The following CADPS variants were observed in gnomAD, a reference collection of about 807,000 sequenced individuals.
CADPS encodes the protein calcium-dependent secretion activator 1.
Under a neutral mutation model 167.3 loss-of-function variants are expected in CADPS, and 57 were observed. The ratio of observed to expected loss-of-function variants is 0.34; its 90% CI spans 0.28 to 0.42. The LOEUF (loss-of-function observed/expected upper bound fraction) is 0.42, where lower values mean the gene tolerates loss of function less well. Ranked by LOEUF, CADPS falls within the 20% of genes least tolerant of loss-of-function variation. The pLI is 1.00. For missense variants in CADPS, 1,414 were observed against 1,738.1 expected (o/e 0.81, Z 3.32); for synonymous variants, 676 against 635.3 (o/e 1.06, Z -0.96).
In CADPS at chr3:62,668,292, A is replaced by G. The variant is rs1362484187; in HGVS notation, c.889-5898T>C. The stretch of plus-strand genomic sequence containing the variant: ...CAGGACTAAAGTGATAGTGATCCAG[A>G]CTGGCTGGAAGGAGTTTCAGGGATA... On this transcript the variant is annotated intron_variant, in intron 3 of 29. Coordinates refer to ENST00000383710, the MANE Select transcript of CADPS (RefSeq NM_003716.4). Among the ~76,000 whole-genome samples, 58 of 152,194 alleles carry G rather than the reference A, an allele frequency of 3.8e-4. 1 individual carries two copies. The highest frequency in any genetic ancestry group is 3.8e-3 in the Admixed American group (58 of 15,280).
intron 11 of CADPS, among the ~76,000 whole-genome samples, chr3:62,549,447 G>GTTTTTTT (rs3074235): frequency 7.7e-6 from 1 of 129,288 alleles, no homozygotes; most frequent in African/African-American, 3.1e-5. Context: ...CATGTTTTGT[G>GTTTTTTT]TTTTTTTTTT....
At chr3:62,435,059 C>T (rs2054715866) in intron 28 of CADPS, among the ~76,000 whole-genome samples, 1 of 152,102 alleles carries the variant, frequency 6.6e-6, no homozygotes, top group Non-Finnish European at 1.5e-5. Context: ...ATATTTTTTT[C>T]TTCATTCAAA....
chr3:62,633,204 T>A (rs1338623824), intron 6 of CADPS, among the ~76,000 whole-genome samples: 1 of 152,162 alleles, frequency 6.6e-6, no homozygotes, highest in Non-Finnish European at 1.5e-5. Flanking sequence ...TTGGGCTCTA[T>A]GTCCCAATGT....
chr3:62,802,596 T>C (rs1049568122), intron 1 of CADPS, among the ~76,000 whole-genome samples: 1 of 152,156 alleles, frequency 6.6e-6, no homozygotes, highest in Non-Finnish European at 1.5e-5. Context: ...TGAGGGTCGA[T>C]TTAGAGACCC....
At chr3:62,692,470 T>C (rs2079344230) in intron 3 of CADPS, among the ~76,000 whole-genome samples, 1 of 152,102 alleles carries the variant, frequency 6.6e-6, no homozygotes, top group Non-Finnish European at 1.5e-5. Flanking sequence ...AACTACCATT[T>C]GAAGACATTT....
At chr3:62,794,355 A>G (rs913483111) in intron 1 of CADPS, among the ~76,000 whole-genome samples, 7 of 152,308 alleles carry the variant, frequency 4.6e-5, no homozygotes, top group Non-Finnish European at 1.0e-4. Flanking sequence ...CACTTTTTGT[A>G]TATTCCCTAG....
chr3:62,644,911 C>T (rs1347634777), intron 6 of CADPS, among the ~76,000 whole-genome samples: 2 of 152,194 alleles, frequency 1.3e-5, no homozygotes, highest in Non-Finnish European at 2.9e-5. Context: ...TGTGCCATTA[C>T]TTTCTGATGT....
chr3:62,560,871 G>C (rs747693954), intron 9 of CADPS, among the ~76,000 whole-genome samples: 1 of 152,090 alleles, frequency 6.6e-6, no homozygotes, highest in African/African-American at 2.4e-5. Context: ...ATGAGGTCAG[G>C]AGTTTGAGAC....
Position 62,420,861 on chromosome 3 carries a change from A to AACACACACACAC in CADPS, c.3777+17231_3777+17242dup, listed in dbSNP as rs775850925. On this transcript the variant is annotated intron_variant, in intron 28 of 29. Transcript: ENST00000383710. This position sits in a 1 kb window ranked among gnomAD's most constrained non-coding sequence, Gnocchi z 4.1. ...TTTTCTCTTTATGGGAGGGAGAACG[A>AACACACACACAC]ACACACACACACACACACACACACA... 2.2e-5 allele frequency among the ~76,000 whole-genome samples: 3 copies of AACACACACACAC among 133,944 alleles called. No individual in the cohort carries two copies. Among genetic ancestry groups the AACACACACACAC allele is most frequent in the East Asian group, 2.2e-4 (1 of 4,634 alleles). The allele number at this position is 133,944 out of a possible 152,430, so 87.9% of individuals were successfully genotyped here. A position where few individuals can be genotyped will look rare whatever the true frequency, so the allele number is the denominator to read the frequency against.
chr3:62,525,145 C>T (rs530780821), intron 13 of CADPS, among the ~76,000 whole-genome samples: 41 of 151,994 alleles, frequency 2.7e-4, no homozygotes, highest in African/African-American at 9.9e-4. Flanking sequence ...TGATGGTTTG[C>T]TATGGGCCAG....
At chr3:62,467,193 T>G in intron 24 of CADPS, 1 of 416,500 alleles carries the variant, frequency 2.4e-6, no homozygotes, top group Non-Finnish European at 3.6e-6. Context: ...GCCAGCTCCT[T>G]GACATTTATT....
intron 21 of CADPS, among the ~76,000 whole-genome samples, chr3:62,486,633 G>C (rs1369437071): frequency 6.6e-6 from 1 of 152,192 alleles, no homozygotes; most frequent in East Asian, 1.9e-4. Flanking sequence ...GCTGATGCAG[G>C]GCAAGAGAGC....
At position 62,499,199 on chromosome 3, in the gene CADPS, A is replaced by G. The variant is rs2065298125; in HGVS notation, c.2669T>C (p.Ile890Thr). Reference protein sequence around the residue: ...EDTIRLAELVIEVLQQNEEHH... With the variant: ...EDTIRLAELVTEVLQQNEEHH... Reference sequence around the variant, plus strand: ...CTCCTCATTTTGCTGAAGAACTTCAATGACTAGTTCAGCAAGACGTATTGT... The same window carrying G: ...CTCCTCATTTTGCTGAAGAACTTCAGTGACTAGTTCAGCAAGACGTATTGT... The change falls in exon 18 of 30, where the codon ATT becomes ACT. Residue 890 changes from isoleucine to threonine, a missense_variant. Ile to Thr is a moderately conservative substitution (Grantham distance 89, BLOSUM62 -1). Coordinates refer to ENST00000383710, the MANE Select transcript of CADPS (RefSeq NM_003716.4). The G allele has an allele frequency of 1.2e-6, 2 of 1,613,780 alleles. No individual in the cohort carries two copies. Among genetic ancestry groups the G allele is most frequent in the South Asian group, 1.1e-5 (1 of 91,064 alleles).
In CADPS at chr3:62,568,219, A is replaced by G. The variant is rs551251570; in HGVS notation, c.1644+2653T>C. Among the ~76,000 whole-genome samples, 495 of 152,344 alleles carry G rather than the reference A, an allele frequency of 3.2e-3. 2 individuals are homozygous for G. The highest frequency in any genetic ancestry group is 0.011 in the African/African-American group (468 of 41,582). On this transcript the variant is annotated intron_variant, in intron 9 of 29. Transcript: ENST00000383710. Reference sequence around the variant, plus strand: ...TTGTGATGGTTAATATTAGGTGTCCACTTGATTGGATTGAAGGATGCCTAG... The same window carrying G: ...TTGTGATGGTTAATATTAGGTGTCCGCTTGATTGGATTGAAGGATGCCTAG...
intron 6 of CADPS, among the ~76,000 whole-genome samples, chr3:62,612,517 AG>A (rs1562894655): frequency 6.6e-6 from 1 of 152,208 alleles, no homozygotes; most frequent in African/African-American, 2.4e-5. Context: ...GGCTAGTTCC[AG>A]GGTCTCACAG....
chr3:62,843,968 T>C (rs1216957973), intron 1 of CADPS, among the ~76,000 whole-genome samples: 1 of 152,224 alleles, frequency 6.6e-6, no homozygotes, highest in Non-Finnish European at 1.5e-5. Flanking sequence ...TCTGTAGGTA[T>C]CCTTACCCCA....
intron 3 of CADPS, among the ~76,000 whole-genome samples, chr3:62,717,462 G>A (rs747989275): frequency 3.7e-4 from 56 of 152,002 alleles, no homozygotes; most frequent in African/African-American, 9.4e-4. Flanking sequence ...TTTTGACTCC[G>A]CCCTCCTCCA....
intron 6 of CADPS, among the ~76,000 whole-genome samples, chr3:62,638,077 T>TTATATATATATATA (rs928423543): frequency 0.013 from 477 of 36,570 alleles, 5 homozygotes; most frequent in East Asian, 0.082. Flanking sequence ...GTTTTAAGCA[T>TTATATATATATATA]TATATATATA....
In CADPS at chr3:62,601,778, T is replaced by G. The variant is rs1562755429; in HGVS notation, c.1326-9030A>C. The stretch of plus-strand genomic sequence containing the variant: ...CATATTTAGGGGGATGGGGATGACT[T>G]TTAAAGTCACAGCACATTATTTCTC... On this transcript the variant is annotated intron_variant, in intron 6 of 29. Transcript: ENST00000383710. This position sits in a 1 kb window ranked among gnomAD's most constrained non-coding sequence, Gnocchi z 4.3. 6.6e-6 allele frequency among the ~76,000 whole-genome samples: 1 copy of G among 152,150 alleles called. No individual in the cohort carries two copies. The highest frequency in any genetic ancestry group is 1.5e-5 in the Non-Finnish European group (1 of 68,026).
Sources: allele counts gnomAD v4.1 joint callset (sites outside exome capture counted in the v4.1 genomes callset), GRCh38; gene constraint gnomAD v4.1.1; non-coding constraint Gnocchi (gnomAD v3.1); transcripts MANE v1.5; gene names NCBI Gene and HGNC (gene_info 2026-07-23, HGNC 2026-07-21).